FBXW7: variants seen among roughly 807,000 people sequenced by gnomAD.
FBXW7 encodes F-box/WD repeat-containing protein 7.
In FBXW7, 11 loss-of-function variants were observed where a neutral mutation model predicts 86.3. That is an observed-to-expected ratio of 0.13 (90% CI 0.08 to 0.21). The LOEUF (loss-of-function observed/expected upper bound fraction) is 0.21. FBXW7 is among the 10% of genes least tolerant of loss of function. FBXW7 has a pLI of 1.00. For synonymous variants in FBXW7, 313 were observed against 297.9 expected (o/e 1.05, Z -0.52); for missense variants, 488 against 847.4 (o/e 0.58, Z 5.27).
At chr4:152,396,965 A>G (rs1736472502) in intron 4 of FBXW7, among the ~76,000 whole-genome samples, 6 of 152,086 alleles carry the variant, frequency 3.9e-5, no homozygotes, top group Admixed American at 3.9e-4. Flanking sequence ...TCACTCCATT[A>G]TAGTAACTAA....
At chr4:152,419,497 ACACACACAC>A (rs1738752263) in intron 2 of FBXW7, among the ~76,000 whole-genome samples, 8 of 145,148 alleles carry the variant, frequency 5.5e-5, no homozygotes, top group Non-Finnish European at 1.0e-4. Context: ...TAAGGTAAAC[ACACACACAC>A]ACACACACAC....
intron 4 of FBXW7, among the ~76,000 whole-genome samples, chr4:152,381,884 C>T (rs192834538): frequency 5.8e-4 from 88 of 152,182 alleles, no homozygotes; most frequent in African/African-American, 2.1e-3. Context: ...TACAAATTTA[C>T]AGTGCTAATA....
chr4:152,385,658 A>C (rs1312082584), intron 4 of FBXW7, among the ~76,000 whole-genome samples: 1 of 152,078 alleles, frequency 6.6e-6, no homozygotes, highest in East Asian at 1.9e-4. Flanking sequence ...AGTGAACACA[A>C]TTAAGGCTGT....
At chr4:152,325,951 A>C (rs1728978869) in intron 12 of FBXW7, 55 bp downstream of exon 12, 1 of 1,468,462 alleles carries the variant, frequency 6.8e-7, no homozygotes. Flanking sequence ...TATCTGAGTA[A>C]AACAACCTTA....
intron 2 of FBXW7, among the ~76,000 whole-genome samples, chr4:152,497,874 A>C (rs1379514921): frequency 6.6e-6 from 1 of 152,226 alleles, no homozygotes; most frequent in Non-Finnish European, 1.5e-5. Context: ...AGCATTATTC[A>C]ACCTGGAAAA....
At chr4:152,483,202 T>C (rs1745040843) in intron 2 of FBXW7, among the ~76,000 whole-genome samples, 1 of 152,202 alleles carries the variant, frequency 6.6e-6, no homozygotes, top group South Asian at 2.1e-4. Context: ...TTTGAATTAT[T>C]TGTACTTATT....
At chr4:152,350,915 A>G (rs1307240494) in intron 4 of FBXW7, among the ~76,000 whole-genome samples, 1 of 152,034 alleles carries the variant, frequency 6.6e-6, no homozygotes, top group Non-Finnish European at 1.5e-5. Flanking sequence ...ATGCCATGTT[A>G]TACTATAAAT....
intron 4 of FBXW7, chr4:152,382,321 T>C: frequency 6.3e-7 from 1 of 1,577,432 alleles, no homozygotes; most frequent in Non-Finnish European, 8.6e-7. Context: ...GAGTAGGTTT[T>C]CCCGGTTTTG....
chr4:152,462,917 C>CTTT (rs534922461), intron 2 of FBXW7, among the ~76,000 whole-genome samples: 1 of 127,076 alleles, frequency 7.9e-6, no homozygotes, highest in Admixed American at 8.0e-5. Flanking sequence ...CACTTCCAGT[C>CTTT]TTTTTTTTTT....
chr4:152,355,980 G>A (rs1465943996), intron 4 of FBXW7, among the ~76,000 whole-genome samples: 1 of 152,120 alleles, frequency 6.6e-6, no homozygotes, highest in African/African-American at 2.4e-5. Context: ...TATACAGTGA[G>A]AAAAATATAC....
chr4:152,520,647 T>C (rs1001772674), intron 2 of FBXW7, among the ~76,000 whole-genome samples: 1 of 152,074 alleles, frequency 6.6e-6, no homozygotes, highest in Admixed American at 6.5e-5. Flanking sequence ...TGATGGCTCC[T>C]CCATGATGTA....
chr4:152,411,729 T>C lies in FBXW7; in HGVS notation c.75A>G (p.Ser25=), dbSNP rs2126882271. Residue 25 remains serine, a synonymous_variant, in exon 4 of 14, where the codon TCA becomes TCG. Transcript: ENST00000281708. ...TCATCTGTTCTTCATCTACCTGGCT[T>C]GAGGAAGGGTTACCTCTCAGAGAGC... ...TGGSLRGNPS[S]SQVDEEQMNR... is the part of the protein sequence containing the mutation. 4 of 1,613,706 alleles carry C rather than the reference T, an allele frequency of 2.5e-6. No individual in the cohort carries two copies. Among genetic ancestry groups the C allele is most frequent in the Non-Finnish European group, 2.5e-6 (3 of 1,179,806 alleles).
At chr4:152,423,174 G>T (rs1053354474) in intron 2 of FBXW7, among the ~76,000 whole-genome samples, 2 of 152,034 alleles carry the variant, frequency 1.3e-5, no homozygotes, top group Non-Finnish European at 2.9e-5. Context: ...GATATTCATT[G>T]CCTCCATCCA....
intron 2 of FBXW7, among the ~76,000 whole-genome samples, chr4:152,427,568 TA>T (rs1739499530): frequency 6.6e-6 from 1 of 152,170 alleles, no homozygotes; most frequent in Non-Finnish European, 1.5e-5. Flanking sequence ...ACCTGTAAAA[TA>T]AGGGGATTAG....
intron 8 of FBXW7, 143 bp from the exon 9 acceptor site, chr4:152,331,011 C>T: frequency 1.4e-6 from 1 of 722,606 alleles, no homozygotes; most frequent in Non-Finnish European, 2.2e-6. Flanking sequence ...ATTTCCAATA[C>T]TGTTATCACA....
At chr4:152,415,013 T>C (rs1005703298) in intron 2 of FBXW7, among the ~76,000 whole-genome samples, 3 of 152,108 alleles carry the variant, frequency 2.0e-5, no homozygotes, top group African/African-American at 7.2e-5. Flanking sequence ...CTCATGAACT[T>C]TTTAAACATT....
At chr4:152,472,393 G>C (rs1010031553) in intron 2 of FBXW7, among the ~76,000 whole-genome samples, 3 of 152,126 alleles carry the variant, frequency 2.0e-5, no homozygotes, top group African/African-American at 7.2e-5. Context: ...GATATAATTT[G>C]AATGTCCATC....
intron 2 of FBXW7, among the ~76,000 whole-genome samples, chr4:152,441,066 G>C (rs773226389): frequency 6.6e-6 from 1 of 151,884 alleles, no homozygotes; most frequent in Non-Finnish European, 1.5e-5. Context: ...GTGATAAACA[G>C]AAAATACGTA....
intron 2 of FBXW7, among the ~76,000 whole-genome samples, chr4:152,428,167 G>A (rs985039896): frequency 2.6e-5 from 4 of 152,086 alleles, no homozygotes; most frequent in East Asian, 1.9e-4. Context: ...TGCTGGTCTC[G>A]TTTCTACTGA....
Sources: allele counts gnomAD v4.1 joint callset (sites outside exome capture counted in the v4.1 genomes callset), GRCh38; gene constraint gnomAD v4.1.1; transcripts MANE v1.5; gene names NCBI Gene and HGNC (gene_info 2026-07-23, HGNC 2026-07-21).